ZNF892: variants seen among roughly 807,000 people sequenced by gnomAD.
ZNF892 encodes the protein zinc finger protein 892.
chr2:95,208,602 A>G, the ZNF892 span: 1 of 398,496 alleles, frequency 2.5e-6, no homozygotes, highest in Non-Finnish European at 4.4e-6. Flanking sequence ...CTGCTAGTTT[A>G]TTGCAAGGAC....
the ZNF892 span, among the ~76,000 whole-genome samples, chr2:95,210,121 G>GTGTATATATGTGTATACATGTATATA: frequency 6.7e-6 from 1 of 149,346 alleles, no homozygotes; most frequent in Non-Finnish European, 1.5e-5. Flanking sequence ...GTATATATGT[G>GTGTATATATGTGTATACATGTATATA]TGTATATATG....
the ZNF892 span, among the ~76,000 whole-genome samples, chr2:95,232,476 A>C: frequency 6.6e-6 from 1 of 152,224 alleles, no homozygotes; most frequent in Non-Finnish European, 1.5e-5. Flanking sequence ...CTCCTAGCCT[A>C]GTGGCTGAGC....
At chr2:95,215,656 C>T in the ZNF892 span, 2 of 398,178 alleles carry the variant, frequency 5.0e-6, no homozygotes, top group Non-Finnish European at 8.8e-6. Flanking sequence ...ATTTACCATA[C>T]TTGCTGTGGG....
chr2:95,221,468 G>T, the ZNF892 span, among the ~76,000 whole-genome samples: 3 of 152,024 alleles, frequency 2.0e-5, no homozygotes, highest in Admixed American at 2.0e-4. Flanking sequence ...CTCCATCTCT[G>T]GGGGAGTTTG....
At chr2:95,213,126 C>T in the ZNF892 span, among the ~76,000 whole-genome samples, 4 of 152,218 alleles carry the variant, frequency 2.6e-5, no homozygotes, top group Admixed American at 2.6e-4. Flanking sequence ...TACCTGCTTT[C>T]AAAGCCGTTG....
the ZNF892 span, chr2:95,207,746 C>G: frequency 5.0e-6 from 2 of 398,150 alleles, no homozygotes; most frequent in Admixed American, 4.4e-5. Context: ...TTGGGGGACC[C>G]GAGCGGCGGA....
chr2:95,217,809 C>G, the ZNF892 span, among the ~76,000 whole-genome samples: 3 of 152,198 alleles, frequency 2.0e-5, no homozygotes, highest in African/African-American at 7.2e-5. Flanking sequence ...AGCCCCTCTC[C>G]TAAGCCTCTG....
chr2:95,247,733 T>C, the ZNF892 span, among the ~76,000 whole-genome samples: 4 of 151,924 alleles, frequency 2.6e-5, no homozygotes, highest in Non-Finnish European at 5.9e-5. Context: ...AACAAACATA[T>C]GAAAAAATGC....
the ZNF892 span, among the ~76,000 whole-genome samples, chr2:95,241,321 C>T: frequency 7.9e-5 from 12 of 152,210 alleles, no homozygotes; most frequent in Non-Finnish European, 1.5e-4. Flanking sequence ...ATAGCCTTCA[C>T]TGGTGATATC....
the ZNF892 span, among the ~76,000 whole-genome samples, chr2:95,222,382 T>G: frequency 4.6e-5 from 7 of 152,228 alleles, no homozygotes; most frequent in African/African-American, 1.7e-4. Flanking sequence ...ATATGGTGAG[T>G]GTATGTTTAC....
chr2:95,216,550 GA>G, the ZNF892 span, among the ~76,000 whole-genome samples: 1 of 152,170 alleles, frequency 6.6e-6, no homozygotes, highest in East Asian at 1.9e-4. Context: ...ATTAGATTAT[GA>G]AAAACTTGAA....
the ZNF892 span, among the ~76,000 whole-genome samples, chr2:95,236,756 CA>C: frequency 6.6e-6 from 1 of 152,112 alleles, no homozygotes; most frequent in African/African-American, 2.4e-5. Flanking sequence ...CAAAAAATAA[CA>C]ACCTTCTAGA....
chr2:95,258,214 C>T, the ZNF892 span, among the ~76,000 whole-genome samples: 3 of 152,154 alleles, frequency 2.0e-5, no homozygotes, highest in South Asian at 2.1e-4. Flanking sequence ...TGGCTCCACT[C>T]GAGGCAAATT....
chr2:95,255,150 A>C, the ZNF892 span, among the ~76,000 whole-genome samples: 1 of 151,990 alleles, frequency 6.6e-6, no homozygotes, highest in African/African-American at 2.4e-5. Flanking sequence ...TTGCTTCTCT[A>C]GTTCTTTTAA....
At chr2:95,233,660 G>A in the ZNF892 span, among the ~76,000 whole-genome samples, 3 of 107,646 alleles carry the variant, frequency 2.8e-5, no homozygotes, top group Admixed American at 2.8e-4. Context: ...GCGACAGAGC[G>A]AGACTCCATC....
chr2:95,210,761 C>T, the ZNF892 span, among the ~76,000 whole-genome samples: 1 of 152,298 alleles, frequency 6.6e-6, no homozygotes, highest in East Asian at 1.9e-4. Flanking sequence ...GCCTCTGCTC[C>T]TGTGGAGCTT....
At chr2:95,256,648 A>T in the ZNF892 span, among the ~76,000 whole-genome samples, 1 of 152,192 alleles carries the variant, frequency 6.6e-6, no homozygotes, top group Non-Finnish European at 1.5e-5. Flanking sequence ...GTTCTCCTGG[A>T]TAATATCCTG....
chr2:95,244,929 C>T, the ZNF892 span, among the ~76,000 whole-genome samples: 1 of 152,188 alleles, frequency 6.6e-6, no homozygotes, highest in Admixed American at 6.5e-5. Flanking sequence ...CAACCTGCTC[C>T]TGAATGACTC....
At chr2:95,223,927 C>A in the ZNF892 span, among the ~76,000 whole-genome samples, 1 of 152,098 alleles carries the variant, frequency 6.6e-6, no homozygotes, top group Non-Finnish European at 1.5e-5. Context: ...GGAGATGGGG[C>A]CTTTGGGAAG....
Sources: allele counts gnomAD v4.1 joint callset (sites outside exome capture counted in the v4.1 genomes callset), GRCh38; gene constraint gnomAD v4.1.1; transcripts MANE v1.5; gene names NCBI Gene and HGNC (gene_info 2026-07-23, HGNC 2026-07-21).